The following ABCA8 variants were observed in gnomAD, a reference collection of about 807,000 sequenced individuals.
ABCA8 encodes ATP binding cassette subfamily A member 8.
ABCA8 carries 177 observed loss-of-function variants against 192.3 expected under a neutral mutation model. That is an observed-to-expected ratio of 0.92 (90% CI 0.81 to 1.04). The LOEUF (loss-of-function observed/expected upper bound fraction) is 1.04, where lower values mean the gene tolerates loss of function less well. ABCA8 is among the 50% of genes least tolerant of loss of function. The pLI, the probability that ABCA8 is intolerant of heterozygous loss-of-function variation, is 0.00. For synonymous variants in ABCA8, 642 were observed against 690.2 expected, an observed-to-expected ratio of 0.93 and a Z score of 1.09; for missense variants, 1,915 against 1,904.8, an observed-to-expected ratio of 1.01 and a Z score of -0.10.
intron 2 of ABCA8, among the ~76,000 whole-genome samples, chr17:68,946,993 A>G (rs1170802293): frequency 2.0e-5 from 3 of 152,096 alleles, no homozygotes; most frequent in African/African-American, 7.2e-5. Flanking sequence ...GAAAGAAAAT[A>G]AATTGTATTG....
chr17:68,904,199 G>A (rs1011777295), intron 19 of ABCA8, among the ~76,000 whole-genome samples: 3 of 151,498 alleles, frequency 2.0e-5, no homozygotes, highest in African/African-American at 7.3e-5. Context: ...GGAGAATGGC[G>A]TGAACCCGGG....
chr17:68,943,805 A>G (rs965778703), intron 2 of ABCA8, among the ~76,000 whole-genome samples: 8 of 152,140 alleles, frequency 5.3e-5, no homozygotes, highest in Non-Finnish European at 1.0e-4. Flanking sequence ...GTTTGTTTAC[A>G]ATTACCAGGA....
At chr17:68,882,554 G>A (rs879157344) in intron 30 of ABCA8, 45 bp downstream of exon 30, 8 of 1,528,090 alleles carry the variant, frequency 5.2e-6, no homozygotes, top group Non-Finnish European at 7.1e-6. Flanking sequence ...TAGAGAATTA[G>A]ACTGGTAGAC....
At chr17:68,943,867 A>T (rs2068301665) in intron 2 of ABCA8, among the ~76,000 whole-genome samples, 1 of 151,900 alleles carries the variant, frequency 6.6e-6, no homozygotes, top group Non-Finnish European at 1.5e-5. Context: ...AGTATTCATT[A>T]AAAAAAATTA....
rs143577306 is a variant in ABCA8, at chr17:68,867,969, C to A, written c.*116G>T. On this transcript the variant is annotated 3_prime_UTR_variant, in exon 40 of 40. Coordinates refer to ENST00000586539, the MANE Select transcript of ABCA8 (RefSeq NM_001288985.2). ...ACCCGAACCTCCTCCTCCCACCACA[C>A]GGAGAACCATTTCTGTACTTATAAT... The A allele has an allele frequency of 4.8e-6, 4 of 839,164 alleles. No homozygotes were observed. The highest frequency in any genetic ancestry group is 7.3e-6 in the Non-Finnish European group (4 of 548,288). The allele number at this position is 839,164 out of a possible 1,614,324, so 52.0% of individuals were successfully genotyped here.
At chr17:68,932,661 C>A (rs919186094) in intron 6 of ABCA8, 147 bp from the exon 7 acceptor site, 11 of 613,542 alleles carry the variant, frequency 1.8e-5, no homozygotes, top group Non-Finnish European at 2.9e-5. Context: ...CTGTCATTGA[C>A]CTGCTGGGAC....
rs745921527 is a variant in ABCA8, at chr17:68,887,504, G to A, written c.3147C>T (p.Asn1049=). The A allele has an allele frequency of 3.4e-5, 55 of 1,603,636 alleles. 1 individual carries two copies. In the South Asian group the frequency reaches 6.1e-4, roughly 18 times the overall value. ...IAMSSIDDYK[N]RARSQLRISG... is the part of the protein sequence containing the mutation. ...AAATCCGTAGCTGGGACCGAGCTCT[G>A]TTCTAATTAGGAGACAGCAAAGATA... Residue 1049 remains asparagine, a splice_region_variant and synonymous_variant, in exon 25 of 40, where the codon AAC becomes AAT. Coordinates refer to ENST00000586539, the MANE Select transcript of ABCA8 (RefSeq NM_001288985.2).
At chr17:68,935,539 C>CATATATATATATATATAT (rs1567877214) in intron 5 of ABCA8, among the ~76,000 whole-genome samples, 13 of 41,820 alleles carry the variant, frequency 3.1e-4, no homozygotes, top group African/African-American at 5.1e-4. Context: ...GAGTAGTATT[C>CATATATATATATATATAT]CTATATATAT....
Position 68,867,585 on chromosome 17 carries a change from T to C in ABCA8, c.*500A>G, listed in dbSNP as rs1598167358. Reference sequence around the variant, plus strand: ...TCAACGATATTGATATCAGATACTATGACCCATGACATTTAGTATTTTTAG... The same window carrying C: ...TCAACGATATTGATATCAGATACTACGACCCATGACATTTAGTATTTTTAG... On this transcript the variant is annotated 3_prime_UTR_variant, in exon 40 of 40. Coordinates refer to ENST00000586539, the MANE Select transcript of ABCA8 (RefSeq NM_001288985.2). 1 of 152,288 alleles carries C rather than the reference T, an allele frequency of 6.6e-6. No homozygotes were observed. Among genetic ancestry groups the C allele is most frequent in the Admixed American group, 6.6e-5 (1 of 15,266 alleles). The allele number at this position is 152,288 out of a possible 1,614,324, so 9.4% of individuals were successfully genotyped here. A position where few individuals can be genotyped will look rare whatever the true frequency, so the allele number is the denominator to read the frequency against.
intron 31 of ABCA8, 94 bp downstream of exon 31, chr17:68,881,769 G>T: frequency 1.2e-6 from 1 of 825,136 alleles, no homozygotes; most frequent in Non-Finnish European, 2.0e-6. Flanking sequence ...GTCTGCATGT[G>T]AACCAAGAGG....
rs764662519 is a variant in ABCA8 at position 68,869,733 on chromosome 17, G to A, written c.4678C>T (p.Pro1560Ser). 1 of 1,613,212 alleles carries A rather than the reference G, an allele frequency of 6.2e-7. No individual in the cohort carries two copies. Among genetic ancestry groups the A allele is most frequent in the Admixed American group, 1.7e-5 (1 of 59,996 alleles). ...VYKLPVEDVQ[P>S]LAQAFFKLEK... ...AATTTGAAGAAAGCTTGGGCTAAAG[G>A]TTGCACATCTTCCACTGGCAACTTA... is the stretch of plus-strand genomic sequence containing the variant. Residue 1560 changes from proline (P) to serine (S), a missense_variant, in exon 38 of 40, where the codon CCT (proline) becomes TCT (serine). By Grantham distance (74) the Pro-to-Ser change is moderately conservative. Transcript: ENST00000586539.
chr17:68,930,621 A>G (rs2067840821), intron 7 of ABCA8, among the ~76,000 whole-genome samples: 1 of 152,198 alleles, frequency 6.6e-6, no homozygotes, highest in South Asian at 2.1e-4. Flanking sequence ...TATTCTCCCA[A>G]TAGCCCTATT....
chr17:68,922,212 T>TACA, intron 12 of ABCA8, 30 bp downstream of exon 12: 3 of 95,824 alleles, frequency 3.1e-5, no homozygotes, highest in Non-Finnish European at 5.5e-5. Context: ...TTTTTTTTTT[T>TACA]TTTTTTTTTT....
At chr17:68,900,903 T>A (rs2066892995) in intron 21 of ABCA8, among the ~76,000 whole-genome samples, 1 of 152,114 alleles carries the variant, frequency 6.6e-6, no homozygotes, top group African/African-American at 2.4e-5. Flanking sequence ...GAAAAAGACA[T>A]GTCACAGCCT....
Position 68,940,977 on chromosome 17 carries a change from A to G in ABCA8, c.97-15T>C, listed in dbSNP as rs1395424179. The G allele has an allele frequency of 1.3e-6, 2 of 1,554,046 alleles. No homozygotes were observed. Among genetic ancestry groups the G allele is most frequent in the Admixed American group, 3.5e-5 (2 of 57,158 alleles). ...TTCAGCCATTCCTATATAATACAGG[A>G]AAAAAGATAAAGAAAAGTCTTATTT... On this transcript the variant is annotated splice_polypyrimidine_tract_variant and intron_variant, in intron 3 of 39. Coordinates refer to ENST00000586539, the MANE Select transcript of ABCA8 (RefSeq NM_001288985.2).
In ABCA8 at chr17:68,911,386, C is replaced by T. The variant is rs2067223902; in HGVS notation, c.2139-3507G>A. On this transcript the variant is annotated intron_variant, in intron 17 of 39. Transcript: ENST00000586539. The surrounding 1 kb of genome is among the most constrained non-coding windows in gnomAD (Gnocchi z 5.7). Reference sequence around the variant, plus strand: ...AGAGGGAAGAGTGGGAAGACTTTGTCTTCTGGTTTGGGTGTCAGCTCAGCT... The same window carrying T: ...AGAGGGAAGAGTGGGAAGACTTTGTTTTCTGGTTTGGGTGTCAGCTCAGCT... Among the ~76,000 whole-genome samples, 1 of 132,934 alleles carries T rather than the reference C, an allele frequency of 7.5e-6. No homozygotes were observed. The highest frequency in any genetic ancestry group is 3.4e-5 in the African/African-American group (1 of 29,642). The allele number at this position is 132,934 out of a possible 152,430, so 87.2% of individuals were successfully genotyped here.
At position 68,925,068 on chromosome 17, in the gene ABCA8, G is replaced by A. The variant is rs548296701; in HGVS notation, c.1274-199C>T. On this transcript the variant is annotated intron_variant, in intron 10 of 39. Transcript: ENST00000586539. ...TGTCTCTACTATAATAAATCCTATC[G>A]GAAGCAATGAAACTGTGATTTTTAA... Among the ~76,000 whole-genome samples the A allele has an allele frequency of 9.9e-5, 15 of 152,110 alleles. No individual in the cohort carries two copies. The South Asian group carries it at 1.2e-3, about 13-fold the overall frequency.
intron 17 of ABCA8, 22 bp downstream of exon 17, chr17:68,917,339 C>A: frequency 6.6e-7 from 1 of 1,510,372 alleles, no homozygotes. Flanking sequence ...GATCTACTCC[C>A]AGCCTTCTTA....
chr17:68,935,556 AT>A (rs2068042338), intron 5 of ABCA8, among the ~76,000 whole-genome samples: 3 of 141,886 alleles, frequency 2.1e-5, no homozygotes, highest in Admixed American at 2.1e-4. Context: ...ATATATATAT[AT>A]ATATATATAT....
Sources: allele counts gnomAD v4.1 joint callset (sites outside exome capture counted in the v4.1 genomes callset), GRCh38; gene constraint gnomAD v4.1.1; non-coding constraint Gnocchi (gnomAD v3.1); transcripts MANE v1.5; gene names NCBI Gene and HGNC (gene_info 2026-07-23, HGNC 2026-07-21).